Variants in ZNF320 observed in about 807,000 individuals in gnomAD.
ZNF320 encodes zinc finger gene 320.
Under a neutral mutation model 6.8 loss-of-function variants are expected in ZNF320, and 2 were observed. The ratio of observed to expected loss-of-function variants is 0.29; its 90% CI spans 0.12 to 0.93. The LOEUF is 0.93. ZNF320 is among the 40% of genes least tolerant of loss of function. The pLI, the probability that ZNF320 is intolerant of heterozygous loss-of-function variation, is 0.55. For synonymous variants in ZNF320, 208 were observed against 203.2 expected (o/e 1.02, Z -0.20); for missense variants, 472 against 611.0 (o/e 0.77, Z 2.40).
chr19:52,862,713 G>T (rs1031484143), exon 6 of ZNF320: 13 of 490,834 alleles, frequency 2.6e-5, no homozygotes, highest in Non-Finnish European at 4.8e-5. Context: ...TCTGCAAGGA[G>T]TGAATTGAGC....
intron 5 of ZNF320, among the ~76,000 whole-genome samples, chr19:52,868,480 T>C (rs904126009): frequency 1.9e-4 from 29 of 149,278 alleles, no homozygotes; most frequent in Non-Finnish European, 3.7e-4. Context: ...TAGTCCAGCC[T>C]GGGCAAGAAG....
intron 5 of ZNF320, among the ~76,000 whole-genome samples, chr19:52,887,331 G>A (rs1019934243): frequency 2.0e-5 from 3 of 152,194 alleles, no homozygotes; most frequent in South Asian, 2.1e-4. Context: ...AAAGAGACTC[G>A]TGCTTATAAA....
At chr19:52,903,132 A>AT in the ZNF320 span, among the ~76,000 whole-genome samples, 1 of 152,148 alleles carries the variant, frequency 6.6e-6, no homozygotes, top group Non-Finnish European at 1.5e-5. Flanking sequence ...TAAATTATAC[A>AT]TTTTTTGCAT....
At chr19:52,866,396 T>C (rs907248232) in intron 5 of ZNF320, among the ~76,000 whole-genome samples, 1 of 151,670 alleles carries the variant, frequency 6.6e-6, no homozygotes, top group Non-Finnish European at 1.5e-5. Context: ...ATACATGTAG[T>C]GAAGTCAACA....
At position 52,881,555 on chromosome 19, in the gene ZNF320, A is replaced by G. The variant is rs770557958; in HGVS notation, c.571T>C (p.Cys191Arg). The G allele has an allele frequency of 5.0e-6, 8 of 1,614,056 alleles. No homozygotes were observed. The South Asian group carries it at 8.8e-5, about 18-fold the overall frequency. The change falls in exon 6 of 6, where the codon TGT (cysteine) becomes CGT (arginine). Residue 191 changes from cysteine (C) to arginine (R), a missense_variant. By Grantham distance (180) the Cys-to-Arg change is radical. Around this residue, in one of 2 missense-constraint regions of ZNF320, gnomAD observed 462 missense variants for 559.7 expected, o/e 0.83. Coordinates refer to ENST00000682928, the MANE Select transcript of ZNF320 (RefSeq NM_001351774.2). ...TTAAAAGCCTTGTCGCAAACCTTAC[A>G]TTTGTATGGTTTCTCTCCAGTATGA... ...IIHTGEKPYK[C>R]KVCDKAFKHD...
intron 5 of ZNF320, among the ~76,000 whole-genome samples, chr19:52,869,967 C>A (rs2147781530): frequency 6.6e-6 from 1 of 151,930 alleles, no homozygotes; most frequent in African/African-American, 2.4e-5. Flanking sequence ...CCACCCGCCT[C>A]AGCCTCCCAA....
intron 5 of ZNF320, among the ~76,000 whole-genome samples, chr19:52,883,460 T>C (rs369334301): frequency 2.0e-5 from 3 of 152,188 alleles, no homozygotes; most frequent in African/African-American, 7.2e-5. Context: ...TTATACTGCC[T>C]GCAGAATTCT....
At position 52,882,381 on chromosome 19, in the gene ZNF320, C is replaced by A. The variant is rs532548560; in HGVS notation, c.143-398G>T. Among the ~76,000 whole-genome samples, 4 of 152,110 alleles carry A rather than the reference C, an allele frequency of 2.6e-5. No individual in the cohort carries two copies. The East Asian group carries it at 7.7e-4, about 29-fold the overall frequency. ...TATACAGAAATAAATGTTAAAAAAC[C>A]AGACAATGTACTATATTGGTAAATA... On this transcript the variant is annotated intron_variant, in intron 5 of 5. Coordinates refer to ENST00000682928, the MANE Select transcript of ZNF320 (RefSeq NM_001351774.2).
upstream of ZNF320, among the ~76,000 whole-genome samples, chr19:52,899,521 G>GGC (rs1198585825): frequency 6.6e-6 from 1 of 152,070 alleles, no homozygotes. Context: ...GGAGTGCAGT[G>GGC]GTGCAGTCTC....
rs550472334 is a variant in ZNF320 at position 52,868,045 on chromosome 19, A to G, written c.224-3886T>C. The stretch of plus-strand genomic sequence containing the variant: ...GAGGTGTGAGCCACCATGGCCAGCC[A>G]GTCTACGCCGTTTCTGACAGGACAG... On this transcript the variant is annotated intron_variant, in intron 5 of 5. Transcript: ENST00000673631. 3.6e-5 allele frequency among the ~76,000 whole-genome samples: 5 copies of G among 137,886 alleles called. No individual in the cohort carries two copies. The South Asian group carries it at 1.2e-3, about 33-fold the overall frequency. The allele number at this position is 137,886 out of a possible 152,430, so 90.5% of individuals were successfully genotyped here.
intron 5 of ZNF320, among the ~76,000 whole-genome samples, chr19:52,868,094 G>C (rs1215916239): frequency 6.6e-6 from 1 of 152,190 alleles, no homozygotes; most frequent in Non-Finnish European, 1.5e-5. Context: ...ACAGGAAAAG[G>C]AGCATGTCAT....
At chr19:52,866,131 T>TATACATATATTTATATATGTATGATC (rs2063565076) in intron 5 of ZNF320, among the ~76,000 whole-genome samples, 2 of 68,958 alleles carry the variant, frequency 2.9e-5, no homozygotes, top group Admixed American at 2.6e-4. Context: ...TATGTATGAT[T>TATACATATATTTATATATGTATGATC]ATACATATAT....
At chr19:52,895,129 G>T (rs1004764528) in intron 1 of ZNF320, 4 of 152,172 alleles carry the variant, frequency 2.6e-5, no homozygotes, top group Non-Finnish European at 4.4e-5. Context: ...AAAGAAAATA[G>T]AATAGGCTAC....
the ZNF320 span, among the ~76,000 whole-genome samples, chr19:52,903,714 T>TC: frequency 6.6e-6 from 1 of 151,946 alleles, no homozygotes; most frequent in African/African-American, 2.4e-5. Flanking sequence ...GTTTTTTTTT[T>TC]CTTCTGAGAC....
Position 52,881,177 on chromosome 19 carries a change from C to T in ZNF320, c.949G>A (p.Ala317Thr), listed in dbSNP as rs2063906445. Residue 317 changes from alanine to threonine, a missense_variant, in exon 6 of 6, where the codon GCA (alanine) becomes ACA (threonine). Transcript: ENST00000682928. ...CCAGTGTGAACTCTACGATGTCCTG[C>T]AAGAGTTGCTCGTTGCTTAAAAACC... The part of the protein sequence containing the change: ...GKVFKQRATL[A>T]GHRRVHTGEK... 1 of 1,614,154 alleles carries T rather than the reference C, an allele frequency of 6.2e-7. No individual in the cohort carries two copies. Among genetic ancestry groups the T allele is most frequent in the Non-Finnish European group, 8.5e-7 (1 of 1,180,040 alleles).
rs761457612 is a variant in ZNF320, at chr19:52,881,253, A to G, written c.873T>C (p.His291=). 7 of 1,614,178 alleles carry G rather than the reference A, an allele frequency of 4.3e-6. No individual in the cohort carries two copies. In the Admixed American group the frequency reaches 1.2e-4, roughly 27 times the overall value. The change falls in exon 6 of 6, where the codon CAT becomes CAC. Residue 291 remains histidine, a synonymous_variant. Transcript: ENST00000682928. ...GTTTCTCTGCAGTATGAACTGCCTT[A>G]TGAATTACGAGGACTGAATTTCGAG... ...TFARNSVLVI[H]KAVHTAEKPY... is the part of the protein sequence containing the mutation.
intron 4 of ZNF320, 135 bp downstream of exon 4, chr19:52,890,106 C>A: frequency 1.4e-6 from 2 of 1,389,572 alleles, no homozygotes; most frequent in Non-Finnish European, 1.0e-6. Flanking sequence ...ATAAGAGGGA[C>A]TGAGGGAAGG....
At chr19:52,883,093 G>A (rs2063972686) in intron 5 of ZNF320, among the ~76,000 whole-genome samples, 1 of 152,024 alleles carries the variant, frequency 6.6e-6, no homozygotes, top group African/African-American at 2.4e-5. Flanking sequence ...CCAGGCTGGA[G>A]TGCAATGGCA....
At chr19:52,903,321 T>C in the ZNF320 span, among the ~76,000 whole-genome samples, 1 of 152,212 alleles carries the variant, frequency 6.6e-6, no homozygotes, top group South Asian at 2.1e-4. Context: ...TTGTTTAGTC[T>C]AAATTAACTT....
Sources: allele counts gnomAD v4.1 joint callset (sites outside exome capture counted in the v4.1 genomes callset), GRCh38; gene constraint gnomAD v4.1.1; regional missense constraint gnomAD v4.1.1; transcripts MANE v1.5; gene names NCBI Gene and HGNC (gene_info 2026-07-23, HGNC 2026-07-21).